The following SLC30A6 variants were observed in gnomAD, a reference collection of about 807,000 sequenced individuals.
SLC30A6 encodes the protein solute carrier family 30 member 6, also known as zinc transporter 6.
Under a neutral mutation model 63.0 loss-of-function variants are expected in SLC30A6, and 55 were observed. The ratio of observed to expected loss-of-function variants is 0.87; its 90% confidence interval spans 0.70 to 1.09. SLC30A6 has a LOEUF of 1.09. Ranked by LOEUF, SLC30A6 falls within the 50% of genes least tolerant of loss-of-function variation. SLC30A6 has a pLI of 0.00. For missense variants in SLC30A6, 587 were observed against 549.2 expected (o/e 1.07, Z -0.69); for synonymous variants, 224 against 186.1 (o/e 1.20, Z -1.66).
intron 4 of SLC30A6, among the ~76,000 whole-genome samples, chr2:32,176,342 C>T (rs1033099529): frequency 4.6e-5 from 7 of 152,052 alleles, no homozygotes; most frequent in Non-Finnish European, 7.4e-5. Flanking sequence ...ATTAGGGAAA[C>T]GTGCTCTTTT....
chr2:32,192,852 T>C (rs550018770), intron 6 of SLC30A6, 66 bp from the exon 7 acceptor site: 3 of 1,031,826 alleles, frequency 2.9e-6, no homozygotes, highest in South Asian at 1.9e-5. Flanking sequence ...GTGAATGATA[T>C]ATTTAATAAA....
At chr2:32,188,381 C>T (rs1309804176) in intron 5 of SLC30A6, among the ~76,000 whole-genome samples, 1 of 152,198 alleles carries the variant, frequency 6.6e-6, no homozygotes, top group African/African-American at 2.4e-5. Context: ...ATTTGTTTTT[C>T]TGTCCCTACC....
intron 5 of SLC30A6, among the ~76,000 whole-genome samples, chr2:32,188,420 G>A (rs1683024578): frequency 6.6e-6 from 1 of 152,208 alleles, no homozygotes; most frequent in Non-Finnish European, 1.5e-5. Context: ...AGAGCTGGGT[G>A]TGGTGGCTTA....
At chr2:32,173,882 C>T (rs1329719213) in intron 2 of SLC30A6, among the ~76,000 whole-genome samples, 181 bp from the exon 3 acceptor site, 1 of 152,166 alleles carries the variant, frequency 6.6e-6, no homozygotes, top group Non-Finnish European at 1.5e-5. Flanking sequence ...TTCTTTTAAA[C>T]TTGTATACTG....
chr2:32,185,483 A>AT (rs888995745), intron 5 of SLC30A6, among the ~76,000 whole-genome samples: 17 of 151,496 alleles, frequency 1.1e-4, no homozygotes, highest in African/African-American at 3.1e-4. Context: ...TACTTTATTA[A>AT]TTTTTTTTTA....
intron 5 of SLC30A6, among the ~76,000 whole-genome samples, chr2:32,189,588 C>A (rs953792176): frequency 2.7e-5 from 4 of 146,020 alleles, no homozygotes; most frequent in African/African-American, 1.0e-4. Flanking sequence ...TGAGCCACCG[C>A]ACCCGGCCTT....
At chr2:32,214,390 C>T (rs1261931602) in intron 13 of SLC30A6, 1 of 152,074 alleles carries the variant, frequency 6.6e-6, no homozygotes, top group Non-Finnish European at 1.5e-5. Flanking sequence ...TTTAGAACTA[C>T]ACACCTTGAG....
intron 12 of SLC30A6, among the ~76,000 whole-genome samples, chr2:32,208,706 G>C (rs1685000293): frequency 6.6e-6 from 1 of 151,224 alleles, no homozygotes; most frequent in African/African-American, 2.4e-5. Flanking sequence ...TAGAGACAGG[G>C]TTTCGCCATG....
Position 32,173,905 on chromosome 2 carries a change from C to T in SLC30A6, c.91-158C>T, listed in dbSNP as rs144838963. Among the ~76,000 whole-genome samples, 977 of 152,220 alleles carry T rather than the reference C, an allele frequency of 6.4e-3. 14 individuals carry two copies. Among genetic ancestry groups the T allele is most frequent in the African/African-American group, 0.022 (907 of 41,534 alleles). On this transcript the variant is annotated intron_variant, in intron 2 of 13. Coordinates refer to ENST00000282587, the MANE Select transcript of SLC30A6 (RefSeq NM_017964.5). ...AACTTGTATACTGTAATAACTTAGC[C>T]GATGACAATTTTGGTAGATGTAGAA... is the stretch of plus-strand genomic sequence containing the variant.
chr2:32,201,592 G>A, intron 10 of SLC30A6: 1 of 1,474,174 alleles, frequency 6.8e-7, no homozygotes, highest in South Asian at 1.2e-5. Context: ...AGGCAGCAGT[G>A]GCCAGTAATG....
intron 9 of SLC30A6, 141 bp downstream of exon 9, chr2:32,197,533 T>C: frequency 7.9e-7 from 1 of 1,266,748 alleles, no homozygotes. Flanking sequence ...CCTTTACTTT[T>C]TAATTGATAC....
At chr2:32,199,404 C>G (rs1323782387) in intron 10 of SLC30A6, among the ~76,000 whole-genome samples, 1 of 152,032 alleles carries the variant, frequency 6.6e-6, no homozygotes, top group Non-Finnish European at 1.5e-5. Flanking sequence ...CTGTATTTAT[C>G]TAATTTATTT....
chr2:32,201,546 T>A, intron 10 of SLC30A6: 1 of 957,178 alleles, frequency 1.0e-6, no homozygotes. Flanking sequence ...ACGTTTTTGC[T>A]GCATGTAGGT....
chr2:32,196,977 T>C (rs1246659785), intron 8 of SLC30A6, among the ~76,000 whole-genome samples: 1 of 152,140 alleles, frequency 6.6e-6, no homozygotes, highest in Non-Finnish European at 1.5e-5. Context: ...GGAGAATTGC[T>C]TGAACGCGGG....
intron 10 of SLC30A6, chr2:32,201,641 A>C (rs1684305923): frequency 1.3e-6 from 2 of 1,515,256 alleles, no homozygotes; most frequent in Non-Finnish European, 1.8e-6. Flanking sequence ...TGGAACTGGA[A>C]GCACCCTTGG....
intron 3 of SLC30A6, 109 bp downstream of exon 3, chr2:32,174,256 T>G: frequency 1.5e-6 from 1 of 688,808 alleles, no homozygotes; most frequent in Non-Finnish European, 2.3e-6. Context: ...TGTATATAAC[T>G]CAAATGATTT....
intron 1 of SLC30A6, among the ~76,000 whole-genome samples, chr2:32,166,296 C>A (rs1290460558): frequency 7.4e-6 from 1 of 135,584 alleles, no homozygotes; most frequent in East Asian, 2.3e-4. Context: ...GTGGCGATAA[C>A]GCCAGCGGAA....
chr2:32,218,368 C>T (rs980826919), intron 13 of SLC30A6, among the ~76,000 whole-genome samples: 1 of 152,184 alleles, frequency 6.6e-6, no homozygotes, highest in Admixed American at 6.5e-5. Context: ...TTCTCTATCC[C>T]TTAGAAGCCT....
intron 13 of SLC30A6, among the ~76,000 whole-genome samples, chr2:32,212,494 A>G (rs563745729): frequency 1.1e-4 from 16 of 151,816 alleles, no homozygotes; most frequent in African/African-American, 3.9e-4. Context: ...AGTGTGTACA[A>G]ATTCATGGGT....
Sources: allele counts gnomAD v4.1 joint callset (sites outside exome capture counted in the v4.1 genomes callset), GRCh38; gene constraint gnomAD v4.1.1; transcripts MANE v1.5; gene names NCBI Gene and HGNC (gene_info 2026-07-23, HGNC 2026-07-21).